Variants in PPP6R2 observed in about 807,000 individuals in gnomAD.
The protein encoded by PPP6R2 is serine/threonine-protein phosphatase 6 regulatory subunit 2.
Under a neutral mutation model 100.2 loss-of-function variants are expected in PPP6R2, and 62 were observed. That is an observed-to-expected ratio of 0.62 (90% CI 0.50 to 0.76). The LOEUF (loss-of-function observed/expected upper bound fraction) is 0.76, where lower values mean the gene tolerates loss of function less well. PPP6R2 is among the 30% of genes least tolerant of loss of function. The pLI, the probability that PPP6R2 is intolerant of heterozygous loss-of-function variation, is 0.00. For missense variants in PPP6R2, 1,142 were observed against 1,276.3 expected, an observed-to-expected ratio of 0.89 and a Z score of 1.60; for synonymous variants, 525 against 514.7, an observed-to-expected ratio of 1.02 and a Z score of -0.27.
At chr22:50,336,554 T>G in the PPP6R2 span, among the ~76,000 whole-genome samples, 1 of 151,604 alleles carries the variant, frequency 6.6e-6, no homozygotes, top group Non-Finnish European at 1.5e-5. Flanking sequence ...TTTTGTGTTT[T>G]TAGTAGAGAA....
intron 3 of PPP6R2, among the ~76,000 whole-genome samples, chr22:50,400,397 C>T (rs1325119321): frequency 6.6e-6 from 1 of 152,136 alleles, no homozygotes; most frequent in Non-Finnish European, 1.5e-5. Context: ...ATCGGGCCTG[C>T]GTGTTTGAGA....
rs568739684 is a variant in PPP6R2, at chr22:50,439,751, G to A, written c.2179G>A (p.Ala727Thr). 5 of 1,613,392 alleles carry A rather than the reference G, an allele frequency of 3.1e-6. No homozygotes were observed. Among genetic ancestry groups the A allele is most frequent in the South Asian group, 1.1e-5 (1 of 91,012 alleles). The change falls in exon 20 of 24, where the codon GCC becomes ACC. Residue 727 changes from alanine to threonine, a missense_variant. Around this residue, in one of 2 missense-constraint regions of PPP6R2, gnomAD observed 550 missense variants for 517.4 expected, o/e 1.06. Coordinates refer to ENST00000612753, the MANE Select transcript of PPP6R2 (RefSeq NM_001242898.2). ...TGAGCCAGCGAACTCAACGCCCACA[G>A]CCCCAGGAGTGGTGAGGGACGTGGG... ...FDEPANSTPT[A>T]PGVVRDVGSS... is the part of the protein sequence containing the mutation.
chr22:50,440,861 C>G lies in PPP6R2; in HGVS notation c.2414C>G (p.Thr805Ser). Residue 805 changes from threonine (T) to serine (S), a missense_variant, in exon 22 of 24, where the codon ACC (threonine) becomes AGC (serine). Coordinates refer to ENST00000612753, the MANE Select transcript of PPP6R2 (RefSeq NM_001242898.2). ...CCATGTGCCTGGAACGTGTGTGTCACCAGGAAGGCCCCCCTGCTGGCCTCT... is the reference window on the plus strand; with the variant it reads ...CCATGTGCCTGGAACGTGTGTGTCAGCAGGAAGGCCCCCCTGCTGGCCTCT... The part of the protein sequence containing the change: ...ASPCAWNVCV[T>S]RKAPLLASDS... 6.2e-7 allele frequency: 1 copy of G among 1,613,870 alleles called. No homozygotes were observed. The highest frequency in any genetic ancestry group is 8.5e-7 in the Non-Finnish European group (1 of 1,180,006).
At chr22:50,386,120 C>G (rs114374845) in intron 2 of PPP6R2, among the ~76,000 whole-genome samples, 1 of 150,130 alleles carries the variant, frequency 6.7e-6, no homozygotes, top group Admixed American at 6.7e-5. Context: ...CCACTGCGCC[C>G]GGACAAGGTT....
chr22:50,365,164 C>G (rs1358908722), intron 1 of PPP6R2, among the ~76,000 whole-genome samples: 1 of 151,388 alleles, frequency 6.6e-6, no homozygotes, highest in Non-Finnish European at 1.5e-5. Flanking sequence ...CTCCACCTCC[C>G]GGGTTCAAGC....
Position 50,440,824 on chromosome 22 carries a change from A to G in PPP6R2, c.2377A>G (p.Ser793Gly), listed in dbSNP as rs368128232. The G allele has an allele frequency of 5.0e-6, 8 of 1,613,078 alleles. No individual in the cohort carries two copies. The highest frequency in any genetic ancestry group is 1.3e-5 in the African/African-American group (1 of 74,924). The part of the protein sequence containing the change: ...SRSQGPEKAF[S>G]PASPCAWNVC... Reference sequence around the variant, plus strand: ...AGCACAGGCCTCCTACTTTGCAGTCAGCCCGGCTTCTCCATGTGCCTGGAA... The same window carrying G: ...AGCACAGGCCTCCTACTTTGCAGTCGGCCCGGCTTCTCCATGTGCCTGGAA... The change falls in exon 22 of 24, where the codon AGC (serine) becomes GGC (glycine). Residue 793 changes from serine to glycine, a missense_variant and splice_region_variant. This residue lies in a region of PPP6R2 where 550 missense variants were observed against 517.4 expected (regional missense o/e 1.06). Transcript: ENST00000612753.
chr22:50,419,438 C>A lies in PPP6R2; in HGVS notation c.821C>A (p.Thr274Asn), dbSNP rs767038150. 17 of 1,614,126 alleles carry A rather than the reference C, an allele frequency of 1.1e-5. No individual in the cohort carries two copies. Among genetic ancestry groups the A allele is most frequent in the Non-Finnish European group, 1.4e-5 (16 of 1,180,008 alleles). Residue 274 changes from threonine (T) to asparagine (N), a missense_variant, in exon 8 of 24, where the codon ACC becomes AAC. By Grantham distance (65) the Thr-to-Asn change is moderately conservative. Transcript: ENST00000612753. ...GTCAGTGGGACTCAGGTGTTACTCA[C>A]CTTGCTGGAAACCAGGCGGGTTGGG... ...CLVSGTQVLL[T>N]LLETRRVGTE... is the part of the protein sequence containing the mutation.
chr22:50,339,726 GTT>G (rs2042348134), upstream of PPP6R2, among the ~76,000 whole-genome samples: 1 of 141,040 alleles, frequency 7.1e-6, no homozygotes. Flanking sequence ...TAGGGTGTGT[GTT>G]GTGTGTGTGG....
At chr22:50,335,152 A>G in the PPP6R2 span, among the ~76,000 whole-genome samples, 68 of 147,568 alleles carry the variant, frequency 4.6e-4, no homozygotes, top group African/African-American at 1.6e-3. Context: ...CCCAGGTTCA[A>G]GCGATTCTGC....
At chr22:50,440,672 G>C (rs1395201985) in intron 21 of PPP6R2, 150 bp from the exon 22 acceptor site, 3 of 861,498 alleles carry the variant, frequency 3.5e-6, no homozygotes, top group Non-Finnish European at 5.6e-6. Context: ...GAGCCTGTCT[G>C]CCTCATCATG....
intron 1 of PPP6R2, among the ~76,000 whole-genome samples, chr22:50,371,194 T>G (rs2050126516): frequency 6.6e-6 from 1 of 152,154 alleles, no homozygotes; most frequent in South Asian, 2.1e-4. Context: ...AAATGGAATT[T>G]TAAAGTTGTA....
intron 22 of PPP6R2, among the ~76,000 whole-genome samples, chr22:50,442,743 G>C (rs1053605342): frequency 6.6e-6 from 1 of 151,744 alleles, no homozygotes; most frequent in African/African-American, 2.4e-5. Context: ...TAGTAGAGAC[G>C]GGGTTTCACT....
At chr22:50,438,564 G>A (rs754852415) in intron 18 of PPP6R2, 35 bp from the exon 19 acceptor site, 4 of 1,610,738 alleles carry the variant, frequency 2.5e-6, no homozygotes, top group Non-Finnish European at 2.5e-6. Context: ...CGTCCGTCCT[G>A]GGCCACCAGA....
chr22:50,411,806 G>A (rs959911331), intron 4 of PPP6R2, among the ~76,000 whole-genome samples: 1 of 151,928 alleles, frequency 6.6e-6, no homozygotes, highest in Non-Finnish European at 1.5e-5. Context: ...AGCACTTTGG[G>A]AGGCCGAGGC....
At chr22:50,352,740 C>CAA (rs755138488) in intron 1 of PPP6R2, among the ~76,000 whole-genome samples, 3 of 132,348 alleles carry the variant, frequency 2.3e-5, no homozygotes, top group Non-Finnish European at 3.1e-5. Context: ...AAAACAAAAA[C>CAA]AAAAAAAAAA....
At chr22:50,358,375 G>A (rs540072127) in intron 1 of PPP6R2, among the ~76,000 whole-genome samples, 159 of 152,214 alleles carry the variant, frequency 1.0e-3, no homozygotes, top group Non-Finnish European at 2.0e-3. Flanking sequence ...ATTATTTTGT[G>A]TCTTAAGAAA....
Position 50,414,331 on chromosome 22 carries a change from G to GCCCCCCCCCCCCCCCCCCCCC in PPP6R2, c.415-202_415-201insCCCCCCCCCCCCCCCCCCCCC, listed in dbSNP as rs57634612. On this transcript the variant is annotated intron_variant, in intron 4 of 23. Coordinates refer to ENST00000612753, the MANE Select transcript of PPP6R2 (RefSeq NM_001242898.2). Reference sequence around the variant, plus strand: ...GAGCCACAGGGGTCCCTGTGCAGTGGCCCCCCCCCCCCCCCCCCCGCCCAG... The same window carrying GCCCCCCCCCCCCCCCCCCCCC: ...GAGCCACAGGGGTCCCTGTGCAGTGGCCCCCCCCCCCCCCCCCCCCCCCCCCCCCCCCCCCCCCCCGCCCAG... Among the ~76,000 whole-genome samples the GCCCCCCCCCCCCCCCCCCCCC allele has an allele frequency of 1.8e-3, 48 of 26,798 alleles. 1 individual carries two copies. The highest frequency in any genetic ancestry group is 3.0e-3 in the Non-Finnish European group (27 of 9,026). 17.6% of individuals were successfully genotyped at this position (26,798 alleles called of 152,430 possible).
intron 3 of PPP6R2, among the ~76,000 whole-genome samples, chr22:50,398,727 C>A (rs2057532053): frequency 6.6e-6 from 1 of 151,908 alleles, no homozygotes; most frequent in African/African-American, 2.4e-5. Context: ...GTTGGCCAGG[C>A]TGGTCTTGAA....
chr22:50,369,795 C>T (rs572480594), intron 1 of PPP6R2, among the ~76,000 whole-genome samples: 350 of 152,108 alleles, frequency 2.3e-3, no homozygotes, highest in Non-Finnish European at 4.0e-3. Context: ...TGTGAGCCAC[C>T]GCGCCTGACC....
Sources: allele counts gnomAD v4.1 joint callset (sites outside exome capture counted in the v4.1 genomes callset), GRCh38; gene constraint gnomAD v4.1.1; regional missense constraint gnomAD v4.1.1; transcripts MANE v1.5; gene names NCBI Gene and HGNC (gene_info 2026-07-23, HGNC 2026-07-21).